GYG1: variants seen among roughly 807,000 people sequenced by gnomAD.
The protein encoded by GYG1 is glycogenin-1.
In GYG1, 44 loss-of-function variants were observed where a neutral mutation model predicts 41.9. The observed-to-expected ratio is 1.05, with a 90% CI of 0.83 to 1.35. GYG1 has a LOEUF of 1.35. Among genes scored for constraint, GYG1 ranks in the 40% most tolerant of loss-of-function variants. The pLI is 0.00. For synonymous variants in GYG1, 141 were observed against 158.1 expected (o/e 0.89, Z 0.81); for missense variants, 429 against 418.9 (o/e 1.02, Z -0.21).
At chr3:149,000,986 A>T (rs1713060907) in intron 4 of GYG1, 1 of 152,226 alleles carries the variant, frequency 6.6e-6, no homozygotes, top group East Asian at 1.9e-4. Flanking sequence ...GTTTAACAGA[A>T]ATGATTTGGT....
chr3:148,996,182 C>A, intron 2 of GYG1, 120 bp from the exon 3 acceptor site: 1 of 792,192 alleles, frequency 1.3e-6, no homozygotes, highest in South Asian at 1.4e-5. Context: ...CATATTCTAC[C>A]AAAGCAATAC....
intron 1 of GYG1, 148 bp from the exon 2 acceptor site, chr3:148,993,994 C>T: frequency 1.4e-6 from 1 of 725,576 alleles, no homozygotes; most frequent in East Asian, 2.7e-5. Context: ...TTGGGGTTTT[C>T]TCCCCAAAGG....
chr3:149,010,482 A>G (rs550307075), intron 5 of GYG1, among the ~76,000 whole-genome samples: 21 of 152,154 alleles, frequency 1.4e-4, no homozygotes, highest in African/African-American at 4.8e-4. Flanking sequence ...ACGTGCCACT[A>G]CACACGGCTA....
chr3:148,994,042 G>A, intron 1 of GYG1, 100 bp from the exon 2 acceptor site: 1 of 1,017,200 alleles, frequency 9.8e-7, no homozygotes. Context: ...GATGTTAGAG[G>A]AACTGGTTTT....
At chr3:148,996,624 A>T in intron 3 of GYG1, 118 bp from the exon 4 acceptor site, 2 of 1,196,942 alleles carry the variant, frequency 1.7e-6, no homozygotes, top group Non-Finnish European at 2.5e-6. Context: ...GAAGGAGAGG[A>T]GGCCCAGGCT....
intron 5 of GYG1, among the ~76,000 whole-genome samples, chr3:149,022,452 A>T (rs1714419416): frequency 7.5e-6 from 1 of 133,922 alleles, no homozygotes; most frequent in African/African-American, 2.8e-5. Context: ...ATTTATATTG[A>T]TTATAGTTTT....
At chr3:149,006,479 T>C (rs1476560145) in intron 4 of GYG1, among the ~76,000 whole-genome samples, 1 of 152,374 alleles carries the variant, frequency 6.6e-6, no homozygotes, top group African/African-American at 2.4e-5. Context: ...TATTATTTGA[T>C]GTTATATAAA....
intron 4 of GYG1, among the ~76,000 whole-genome samples, chr3:148,997,764 C>T (rs1024088391): frequency 1.3e-5 from 2 of 152,348 alleles, no homozygotes; most frequent in Admixed American, 1.3e-4. Flanking sequence ...AGAAGCCCTC[C>T]CAGCAGTGCC....
At chr3:149,022,255 C>CT (rs1319952684) in intron 5 of GYG1, among the ~76,000 whole-genome samples, 2 of 152,066 alleles carry the variant, frequency 1.3e-5, no homozygotes, top group South Asian at 4.1e-4. Flanking sequence ...TTTACTCCTA[C>CT]TTTTTTAAAG....
chr3:149,016,058 C>G (rs1714008739), intron 5 of GYG1, among the ~76,000 whole-genome samples: 2 of 151,652 alleles, frequency 1.3e-5, no homozygotes, highest in South Asian at 2.1e-4. Context: ...GTCAGGAGAT[C>G]GAGACCGTCC....
intron 5 of GYG1, among the ~76,000 whole-genome samples, chr3:149,021,273 T>C (rs114999166): frequency 0.018 from 2,806 of 152,314 alleles, 91 homozygotes; most frequent in African/African-American, 0.064. Context: ...ATATGCATAA[T>C]AGTTGTTATT....
chr3:149,011,095 C>T (rs1174436904), intron 5 of GYG1, among the ~76,000 whole-genome samples: 3 of 152,190 alleles, frequency 2.0e-5, no homozygotes, highest in Non-Finnish European at 4.4e-5. Context: ...ACATTCTCTT[C>T]CCTTTGTACA....
chr3:148,993,298 G>C (rs955807322), intron 1 of GYG1, among the ~76,000 whole-genome samples: 1 of 134,576 alleles, frequency 7.4e-6, no homozygotes, highest in African/African-American at 2.7e-5. Context: ...ATTGGGGTGC[G>C]TGTCTGTTGG....
rs895619157 is a variant in GYG1 at position 148,991,558 on chromosome 3, G to A, written c.-83G>A. On this transcript the variant is annotated 5_prime_UTR_variant, in exon 1 of 8. Coordinates refer to ENST00000345003, the MANE Select transcript of GYG1 (RefSeq NM_004130.4). ...GCTCGGTTCCCCGCCGTGCCTCCTC[G>A]CTGGCCGCGCTCCCTCCCGGTGCCG... 43 of 1,523,508 alleles carry A rather than the reference G, an allele frequency of 2.8e-5. No homozygotes were observed. In the African/African-American group the frequency reaches 4.9e-4, roughly 17 times the overall value. The allele number at this position is 1,523,508 out of a possible 1,614,324, so 94.4% of individuals were successfully genotyped here. A position where few individuals can be genotyped will look rare whatever the true frequency, so the allele number is the denominator to read the frequency against.
At chr3:149,013,633 G>A (rs1277186909) in intron 5 of GYG1, among the ~76,000 whole-genome samples, 2 of 152,218 alleles carry the variant, frequency 1.3e-5, no homozygotes, top group East Asian at 3.9e-4. Context: ...CAGTTCTGAG[G>A]ATATTAATAT....
At chr3:149,017,100 G>A (rs956394131) in intron 5 of GYG1, among the ~76,000 whole-genome samples, 1 of 152,192 alleles carries the variant, frequency 6.6e-6, no homozygotes, top group Non-Finnish European at 1.5e-5. Context: ...AAACAGTTCT[G>A]TAGTCTCATC....
In GYG1 at chr3:149,029,674, A is replaced by C. The variant is rs1714848054; in HGVS notation, c.*2741A>C. Among the ~76,000 whole-genome samples the C allele has an allele frequency of 6.6e-6, 1 of 152,238 alleles. No individual in the cohort carries two copies. The highest frequency in any genetic ancestry group is 1.5e-5 in the Non-Finnish European group (1 of 68,042). On this transcript the variant is annotated 3_prime_UTR_variant, in exon 8 of 8. Transcript: ENST00000345003. Reference sequence around the variant, plus strand: ...CAAGTAGTATAAATAAAACAAGAAAAAAATACAGCAATGTCTTTGCCATTC... The same window carrying C: ...CAAGTAGTATAAATAAAACAAGAAACAAATACAGCAATGTCTTTGCCATTC...
At chr3:149,023,997 T>C in intron 5 of GYG1, 56 bp from the exon 6 acceptor site, 1 of 1,229,208 alleles carries the variant, frequency 8.1e-7, no homozygotes, top group East Asian at 2.3e-5. Flanking sequence ...GTGCTGCTTA[T>C]CTTTTTGTCA....
At position 149,009,436 on chromosome 3, in the gene GYG1, G is replaced by T. The variant is rs777534395; in HGVS notation, c.608+34G>T. 2.5e-6 allele frequency: 4 copies of T among 1,609,318 alleles called. No individual in the cohort carries two copies. The East Asian group carries it at 8.9e-5, about 36-fold the overall frequency. On this transcript the variant is annotated intron_variant, in intron 5 of 7. Coordinates refer to ENST00000345003, the MANE Select transcript of GYG1 (RefSeq NM_004130.4). ...AGATGGTTTAACTATTGTTGGAGAT[G>T]TTGAGGGCAGAGAATTGGGGTGTAC...
Sources: allele counts gnomAD v4.1 joint callset (sites outside exome capture counted in the v4.1 genomes callset), GRCh38; gene constraint gnomAD v4.1.1; transcripts MANE v1.5; gene names NCBI Gene and HGNC (gene_info 2026-07-23, HGNC 2026-07-21).